Variants in ANKRD30A observed in about 807,000 individuals in gnomAD.
ANKRD30A encodes the protein ankyrin repeat domain 30A, also known as ankyrin repeat domain-containing protein 30A.
In ANKRD30A, 170 loss-of-function variants were observed where a neutral mutation model predicts 166.3. The ratio of observed to expected loss-of-function variants is 1.02; its 90% CI spans 0.90 to 1.16. ANKRD30A has a LOEUF of 1.16. Among genes scored for constraint, ANKRD30A ranks in the 50% most tolerant of loss-of-function variants. The pLI is 0.00. For missense variants in ANKRD30A, 1,630 were observed against 1,518.0 expected, an observed-to-expected ratio of 1.07 and a Z score of -1.23; for synonymous variants, 564 against 508.9, an observed-to-expected ratio of 1.11 and a Z score of -1.46.
At chr10:37,254,683 CT>C in the ANKRD30A span, among the ~76,000 whole-genome samples, 407 of 126,518 alleles carry the variant, frequency 3.2e-3, 1 homozygote, top group East Asian at 0.011. Context: ...CTTTTCTTTT[CT>C]TTTTTTTTTT....
At chr10:37,195,679 G>C (rs1300953746) in intron 27 of ANKRD30A, among the ~76,000 whole-genome samples, 1 of 152,198 alleles carries the variant, frequency 6.6e-6, no homozygotes, top group Non-Finnish European at 1.5e-5. Flanking sequence ...CAGATCACTA[G>C]GTGAGGAGAT....
chr10:37,144,967 G>T (rs370818573), intron 7 of ANKRD30A, 28 bp from the exon 8 acceptor site: 19 of 1,471,124 alleles, frequency 1.3e-5, no homozygotes, highest in Non-Finnish European at 1.8e-5. Context: ...ATGTTATCAT[G>T]AATATATCTG....
At chr10:37,199,699 G>C (rs1841464357) in intron 29 of ANKRD30A, 28 bp from the exon 30 acceptor site, 1 of 1,419,828 alleles carries the variant, frequency 7.0e-7, no homozygotes. Context: ...ATGTTCTCAT[G>C]AATGTATCTG....
chr10:37,190,032 G>A (rs1392144767), intron 25 of ANKRD30A, among the ~76,000 whole-genome samples: 6 of 151,846 alleles, frequency 4.0e-5, no homozygotes, highest in Non-Finnish European at 8.8e-5. Context: ...GACTCTTAAT[G>A]TCTTTCTCAC....
intron 17 of ANKRD30A, among the ~76,000 whole-genome samples, chr10:37,164,621 C>G (rs1487808904): frequency 6.6e-6 from 1 of 152,114 alleles, no homozygotes; most frequent in Non-Finnish European, 1.5e-5. Flanking sequence ...AGTTGACTGA[C>G]ATCAAAAAGT....
intron 34 of ANKRD30A, among the ~76,000 whole-genome samples, chr10:37,231,143 T>C (rs1488344524): frequency 1.3e-5 from 2 of 152,126 alleles, no homozygotes; most frequent in East Asian, 3.9e-4. Context: ...TTTTTTAATT[T>C]TAGTTTTTTA....
chr10:37,128,043 T>G (rs1200904), intron 1 of ANKRD30A, among the ~76,000 whole-genome samples: 91,739 of 151,896 alleles, frequency 0.6, 27,953 homozygotes, highest in South Asian at 0.84. Context: ...GGGATAATAG[T>G]TGACCACTCA....
intron 15 of ANKRD30A, among the ~76,000 whole-genome samples, chr10:37,159,099 T>C (rs908461597): frequency 4.5e-4 from 68 of 152,332 alleles, no homozygotes; most frequent in African/African-American, 1.6e-3. Context: ...CTAGACATAG[T>C]GTTTTAGAAG....
chr10:37,141,159 C>T (rs1837076040), intron 6 of ANKRD30A, among the ~76,000 whole-genome samples: 1 of 151,982 alleles, frequency 6.6e-6, no homozygotes, highest in African/African-American at 2.4e-5. Flanking sequence ...TTATTTAGTG[C>T]TTACTCTGTG....
chr10:37,223,795 TTAA>T (rs1306948421), intron 34 of ANKRD30A, among the ~76,000 whole-genome samples: 1 of 151,186 alleles, frequency 6.6e-6, no homozygotes, highest in Non-Finnish European at 1.5e-5. Flanking sequence ...CTCTAGATTT[TTAA>T]TAATAATTAA....
intron 11 of ANKRD30A, 23 bp from the exon 12 acceptor site, chr10:37,152,037 T>A: frequency 1.9e-6 from 3 of 1,582,430 alleles, no homozygotes; most frequent in South Asian, 2.3e-5. Context: ...GTCATGAATG[T>A]TTCTGTGATT....
chr10:37,239,928 G>T, the ANKRD30A span, among the ~76,000 whole-genome samples: 1 of 152,050 alleles, frequency 6.6e-6, no homozygotes, highest in Non-Finnish European at 1.5e-5. Flanking sequence ...GATAATATTT[G>T]ACTTATTTAA....
At chr10:37,236,588 A>G (rs951226448), downstream of ANKRD30A, among the ~76,000 whole-genome samples, 3 of 152,188 alleles carry the variant, frequency 2.0e-5, no homozygotes, top group African/African-American at 7.2e-5. Context: ...TGGAGAGAGC[A>G]TGAGTCCTCA....
Position 37,129,919 on chromosome 10 carries a change from A to G in ANKRD30A, c.248A>G (p.Asn83Ser), listed in dbSNP as rs1836276821. The G allele has an allele frequency of 6.4e-7, 1 of 1,567,712 alleles. No homozygotes were observed. Reference protein sequence around the residue: ...KRTALHWACVNGHEEVVTFLV... With the variant: ...KRTALHWACVSGHEEVVTFLV... ...ACTGCTCTACACTGGGCCTGTGTCAATGGCCATGAGGAAGTAGTAACATTT... is the reference window on the plus strand; with the variant it reads ...ACTGCTCTACACTGGGCCTGTGTCAGTGGCCATGAGGAAGTAGTAACATTT... Residue 83 changes from asparagine to serine, a missense_variant, in exon 2 of 36, where the codon AAT (asparagine) becomes AGT (serine). By Grantham distance (46) the Asn-to-Ser change is conservative. Around this residue, in one of 4 missense-constraint regions of ANKRD30A, gnomAD observed 904 missense variants for 818.5 expected, o/e 1.10. Transcript: ENST00000361713.
intron 29 of ANKRD30A, among the ~76,000 whole-genome samples, chr10:37,198,091 T>A (rs1841300278): frequency 6.6e-6 from 1 of 152,150 alleles, no homozygotes; most frequent in Non-Finnish European, 1.5e-5. Context: ...AAACTGTGAT[T>A]CTGAAGTGTT....
chr10:37,126,070 C>G, intron 1 of ANKRD30A, 62 bp downstream of exon 1: 1 of 1,560,194 alleles, frequency 6.4e-7, no homozygotes, highest in Non-Finnish European at 8.8e-7. Context: ...AGGATCGCCC[C>G]TTCAGAGTCG....
chr10:37,243,235 C>T, the ANKRD30A span, among the ~76,000 whole-genome samples: 1 of 150,356 alleles, frequency 6.7e-6, no homozygotes. Flanking sequence ...CCTGGGTTCA[C>T]GCCATTCTCC....
chr10:37,128,706 G>T (rs1175257037), intron 1 of ANKRD30A, among the ~76,000 whole-genome samples: 1 of 151,832 alleles, frequency 6.6e-6, no homozygotes. Flanking sequence ...TAACTCTCAG[G>T]ACCCTTTCAT....
chr10:37,146,630 GCC>G (rs1191953956), intron 8 of ANKRD30A, among the ~76,000 whole-genome samples: 2 of 152,136 alleles, frequency 1.3e-5, no homozygotes, highest in Non-Finnish European at 2.9e-5. Context: ...TGTGACTATG[GCC>G]CTGATCAGCT....
Sources: allele counts gnomAD v4.1 joint callset (sites outside exome capture counted in the v4.1 genomes callset), GRCh38; gene constraint gnomAD v4.1.1; regional missense constraint gnomAD v4.1.1; transcripts MANE v1.5; gene names NCBI Gene and HGNC (gene_info 2026-07-23, HGNC 2026-07-21).